FAM168A: variants seen among roughly 807,000 people sequenced by gnomAD.
FAM168A encodes the protein protein FAM168A.
Under a neutral mutation model 28.5 loss-of-function variants are expected in FAM168A, and 3 were observed. The observed-to-expected ratio is 0.11, with a 90% CI of 0.05 to 0.27. The LOEUF is 0.27. FAM168A is among the 10% of genes least tolerant of loss of function. FAM168A has a pLI of 1.00. For synonymous variants in FAM168A, 122 were observed against 124.2 expected (o/e 0.98, Z 0.12); for missense variants, 222 against 311.5 (o/e 0.71, Z 2.16).
chr11:73,508,246 A>G (rs920693746), intron 1 of FAM168A, among the ~76,000 whole-genome samples: 2 of 152,182 alleles, frequency 1.3e-5, no homozygotes, highest in African/African-American at 4.8e-5. Context: ...AAGGCTCTGA[A>G]GTTTAAAGTG....
chr11:73,446,533 C>G (rs1053885479), intron 2 of FAM168A, among the ~76,000 whole-genome samples: 1 of 152,198 alleles, frequency 6.6e-6, no homozygotes, highest in African/African-American at 2.4e-5. Context: ...GGCCTCAGTA[C>G]CCCCAAGAAC....
intron 1 of FAM168A, among the ~76,000 whole-genome samples, chr11:73,587,152 TAA>T (rs1158411875): frequency 4.9e-5 from 4 of 81,386 alleles, no homozygotes; most frequent in Middle Eastern, 8.3e-3. Context: ...ATGGACATGT[TAA>T]AAAAAAAAAA....
At chr11:73,444,104 A>G (rs971434861) in intron 2 of FAM168A, among the ~76,000 whole-genome samples, 2 of 152,218 alleles carry the variant, frequency 1.3e-5, no homozygotes, top group African/African-American at 2.4e-5. Context: ...TACCAGACAT[A>G]ATATCATAGA....
chr11:73,430,424 T>C lies in FAM168A; in HGVS notation c.151+266A>G, dbSNP rs537137647. On this transcript the variant is annotated intron_variant, in intron 3 of 7. Coordinates refer to ENST00000356467, the MANE Select transcript of FAM168A (RefSeq NM_015159.3). ...GCTTGGGAGAGCAGAAAAGGTTCTA[T>C]GAGGAGGATGCAGGTCTCAGACATT... 9.3e-5 allele frequency: 37 copies of C among 396,574 alleles called. 1 individual carries two copies. The highest frequency in any genetic ancestry group is 6.7e-4 in the African/African-American group (32 of 47,462). 24.6% of individuals were successfully genotyped at this position (396,574 alleles called of 1,614,324 possible).
intron 3 of FAM168A, among the ~76,000 whole-genome samples, chr11:73,422,536 C>T (rs7951589): frequency 1.3e-5 from 2 of 152,068 alleles, no homozygotes; most frequent in African/African-American, 4.8e-5. Flanking sequence ...TTGGTGGGAG[C>T]GATTCAGAGC....
At chr11:73,506,124 A>C (rs370765804) in intron 1 of FAM168A, among the ~76,000 whole-genome samples, 20 of 152,166 alleles carry the variant, frequency 1.3e-4, no homozygotes, top group African/African-American at 4.6e-4. Flanking sequence ...CAGGGCACAG[A>C]AAACAGGCAT....
intron 1 of FAM168A, among the ~76,000 whole-genome samples, chr11:73,475,818 C>T (rs1321380874): frequency 6.6e-6 from 1 of 152,184 alleles, no homozygotes; most frequent in Non-Finnish European, 1.5e-5. Flanking sequence ...AGGACTACTG[C>T]AACCAGAGTG....
chr11:73,556,515 G>A (rs900272006), intron 1 of FAM168A, among the ~76,000 whole-genome samples: 2 of 151,806 alleles, frequency 1.3e-5, no homozygotes, highest in African/African-American at 4.8e-5. Flanking sequence ...ACAGAAGATC[G>A]AATGGGGATT....
intron 2 of FAM168A, among the ~76,000 whole-genome samples, chr11:73,459,138 CA>C (rs1433714969): frequency 6.6e-6 from 1 of 151,394 alleles, no homozygotes; most frequent in East Asian, 2.0e-4. Context: ...GGCTGGAGTG[CA>C]GTGGCGTAAT....
intron 6 of FAM168A, 74 bp from the exon 7 acceptor site, chr11:73,407,717 G>T: frequency 8.0e-7 from 1 of 1,251,622 alleles, no homozygotes; most frequent in Non-Finnish European, 1.1e-6. Context: ...TGAAGCTACA[G>T]TCTTTCACAT....
intron 4 of FAM168A, among the ~76,000 whole-genome samples, chr11:73,413,051 AT>A (rs1477206108): frequency 6.6e-6 from 1 of 152,200 alleles, no homozygotes; most frequent in African/African-American, 2.4e-5. Flanking sequence ...CTAAACAAAA[AT>A]TCCATGGTTC....
Position 73,567,023 on chromosome 11 carries a change from C to T in FAM168A, c.-19+30900G>A, listed in dbSNP as rs74541507. ...AGTTTAACAGCGTATAGTTAAGTCC[C>T]AAGGATTGCAAGTGGTTTGGCAGGG... On this transcript the variant is annotated intron_variant, in intron 1 of 7. Transcript: ENST00000356467. 8.7e-3 allele frequency among the ~76,000 whole-genome samples: 1,323 copies of T among 152,134 alleles called. 20 individuals carry two copies. Among genetic ancestry groups the T allele is most frequent in the African/African-American group, 0.03 (1,237 of 41,502 alleles).
chr11:73,464,099 G>A (rs967623075), intron 2 of FAM168A, among the ~76,000 whole-genome samples: 3 of 151,976 alleles, frequency 2.0e-5, no homozygotes, highest in Non-Finnish European at 4.4e-5. Flanking sequence ...CTTTGTAACT[G>A]GGGTTAGTTT....
At chr11:73,439,229 A>G (rs1446835995) in intron 2 of FAM168A, among the ~76,000 whole-genome samples, 1 of 152,138 alleles carries the variant, frequency 6.6e-6, no homozygotes, top group Non-Finnish European at 1.5e-5. Context: ...GCTGCAGGGA[A>G]TTGTAAAGGG....
chr11:73,577,564 C>T (rs763204202), intron 1 of FAM168A, among the ~76,000 whole-genome samples: 2 of 152,142 alleles, frequency 1.3e-5, no homozygotes, highest in Non-Finnish European at 2.9e-5. Flanking sequence ...GAACTATAAC[C>T]TCATCATACA....
At chr11:73,525,154 T>G (rs1363430299) in intron 1 of FAM168A, among the ~76,000 whole-genome samples, 1 of 152,170 alleles carries the variant, frequency 6.6e-6, no homozygotes, top group East Asian at 1.9e-4. Context: ...TTTTAGTTTC[T>G]GTCATTCATG....
intron 1 of FAM168A, among the ~76,000 whole-genome samples, chr11:73,520,515 A>T (rs1449751224): frequency 6.6e-6 from 1 of 152,202 alleles, no homozygotes; most frequent in Non-Finnish European, 1.5e-5. Context: ...ATATGGTTTG[A>T]AGGCCTTCCT....
chr11:73,451,513 C>T (rs1308961520), intron 2 of FAM168A, among the ~76,000 whole-genome samples: 1 of 152,142 alleles, frequency 6.6e-6, no homozygotes, highest in East Asian at 1.9e-4. Context: ...ATGGGTATTA[C>T]TAAAGATATA....
intron 2 of FAM168A, among the ~76,000 whole-genome samples, chr11:73,465,987 A>G (rs530429428): frequency 4.7e-5 from 7 of 147,680 alleles, no homozygotes; most frequent in African/African-American, 1.5e-4. Context: ...GAGAGAGAGA[A>G]AGAACACTGT....
Sources: allele counts gnomAD v4.1 joint callset (sites outside exome capture counted in the v4.1 genomes callset), GRCh38; gene constraint gnomAD v4.1.1; transcripts MANE v1.5; gene names NCBI Gene and HGNC (gene_info 2026-07-23, HGNC 2026-07-21).